The following ADH7 variants were observed in gnomAD, a reference collection of about 807,000 sequenced individuals.
ADH7 encodes alcohol dehydrogenase 7 (class IV), mu or sigma polypeptide.
Under a neutral mutation model 34.4 loss-of-function variants are expected in ADH7, and 41 were observed. The ratio of observed to expected loss-of-function variants is 1.19; its 90% CI spans 0.93 to 1.55. The LOEUF (loss-of-function observed/expected upper bound fraction) is 1.55, where lower values mean the gene tolerates loss of function less well. ADH7 is among the 40% of genes most tolerant of loss of function. ADH7 has a pLI of 0.00. For synonymous variants in ADH7, 180 were observed against 160.9 expected, an observed-to-expected ratio of 1.12 and a Z score of -0.90; for missense variants, 540 against 461.2, an observed-to-expected ratio of 1.17 and a Z score of -1.56.
Position 99,428,911 on chromosome 4 carries a change from T to C in ADH7, c.121-281A>G, listed in dbSNP as rs559042958. Among the ~76,000 whole-genome samples, 279 of 152,308 alleles carry C rather than the reference T, an allele frequency of 1.8e-3. 3 individuals are homozygous for C. The highest frequency in any genetic ancestry group is 6.3e-3 in the African/African-American group (262 of 41,582). ...GAGGGAACCAGAATACAGATGTTAC[T>C]ATGTGATGGCCCCAAAGTAGATTTT... On this transcript the variant is annotated intron_variant, in intron 2 of 8. Coordinates refer to ENST00000437033, the MANE Select transcript of ADH7 (RefSeq NM_000673.7).
Position 99,420,938 on chromosome 4 carries a change from T to G in ADH7, c.565-145A>C, listed in dbSNP as rs1043613257. On this transcript the variant is annotated intron_variant, in intron 5 of 8. Transcript: ENST00000437033. ...AGAATAAAATATCTAGGAATACAAC[T>G]TACAAGGGATGTGAAGGACCTCTTC... The G allele has an allele frequency of 4.1e-6, 3 of 728,756 alleles. No homozygotes were observed. The African/African-American group carries it at 5.4e-5, about 13-fold the overall frequency. 45.1% of individuals were successfully genotyped at this position (728,756 alleles called of 1,614,324 possible).
chr4:99,428,102 AG>A lies in ADH7; in HGVS notation c.331del (p.Leu111PhefsTer31), dbSNP rs771685829. The A allele has an allele frequency of 1.2e-6, 2 of 1,614,004 alleles. No homozygotes were observed. Among genetic ancestry groups the A allele is most frequent in the East Asian group, 4.5e-5 (2 of 44,880 alleles). ...TGAAACCTACTCGCTCCTAATGCAAAGGTTGCCATCTGGGTTGCGACAAGCA... is the reference window on the plus strand; with the variant it reads ...TGAAACCTACTCGCTCCTAATGCAAAGTTGCCATCTGGGTTGCGACAAGCA... ...CNACRNPDGN[L>X]CIRSDITGRG... On this transcript the variant is annotated frameshift_variant, in exon 4 of 9. Coordinates refer to ENST00000437033, the MANE Select transcript of ADH7 (RefSeq NM_000673.7). LOFTEE classifies it high-confidence loss of function.
At chr4:99,418,666 T>G (rs1398937101) in intron 7 of ADH7, among the ~76,000 whole-genome samples, 1 of 152,170 alleles carries the variant, frequency 6.6e-6, no homozygotes, top group Non-Finnish European at 1.5e-5. Flanking sequence ...CACATTCTTG[T>G]GTATATTAAT....
intron 5 of ADH7, among the ~76,000 whole-genome samples, chr4:99,423,813 C>T (rs372594108): frequency 2.0e-5 from 3 of 152,044 alleles, no homozygotes; most frequent in Non-Finnish European, 2.9e-5. Context: ...AAAAATTTTC[C>T]CCCATTTTAT....
intron 5 of ADH7, among the ~76,000 whole-genome samples, chr4:99,424,523 C>T (rs1218644402): frequency 5.3e-5 from 8 of 152,022 alleles, no homozygotes; most frequent in Non-Finnish European, 1.2e-4. Flanking sequence ...ATGGAATGTT[C>T]TTCCATTTCT....
intron 5 of ADH7, among the ~76,000 whole-genome samples, chr4:99,425,499 A>G (rs1263271828): frequency 6.6e-6 from 1 of 152,236 alleles, no homozygotes. Flanking sequence ...CAATTCAACA[A>G]GAAGAGCTAA....
chr4:99,433,134 T>A (rs999517266), intron 1 of ADH7, among the ~76,000 whole-genome samples: 14 of 152,162 alleles, frequency 9.2e-5, no homozygotes, highest in Admixed American at 8.5e-4. Context: ...CCCATGTAAT[T>A]CCATTTTTAA....
In ADH7 at chr4:99,415,554, G is replaced by T; in HGVS notation, c.1024C>A (p.Leu342Met). 6.2e-7 allele frequency: 1 copy of T among 1,613,370 alleles called. No homozygotes were observed. Among genetic ancestry groups the T allele is most frequent in the Non-Finnish European group, 8.5e-7 (1 of 1,179,620 alleles). The change falls in exon 8 of 9, where the codon CTG becomes ATG. Residue 342 changes from leucine to methionine, a missense_variant. Coordinates refer to ENST00000437033, the MANE Select transcript of ADH7 (RefSeq NM_000673.7). ...AAAACATGAGTTATCAACTGGTCCA[G>T]GTCAAATTTCTTTGCCAGGAACTCA... Reference protein sequence around the residue: ...VTEFLAKKFDLDQLITHVLPF... With the variant: ...VTEFLAKKFDMDQLITHVLPF...
chr4:99,434,574 T>A (rs529514156), intron 1 of ADH7, among the ~76,000 whole-genome samples: 2 of 151,244 alleles, frequency 1.3e-5, no homozygotes, highest in East Asian at 1.9e-4. Context: ...TATTTTCAAA[T>A]AAAAAAAAAC....
intron 3 of ADH7, 65 bp from the exon 4 acceptor site, chr4:99,428,239 G>C: frequency 6.9e-7 from 1 of 1,459,194 alleles, no homozygotes; most frequent in South Asian, 1.1e-5. Flanking sequence ...ATTAACAAAT[G>C]TGAATTGAGC....
At chr4:99,424,589 C>T (rs1306719772) in intron 5 of ADH7, among the ~76,000 whole-genome samples, 1 of 152,168 alleles carries the variant, frequency 6.6e-6, no homozygotes, top group Non-Finnish European at 1.5e-5. Flanking sequence ...TGAAGAGGTC[C>T]TTCACATCCC....
At chr4:99,428,249 C>T in intron 3 of ADH7, 75 bp from the exon 4 acceptor site, 1 of 1,398,752 alleles carries the variant, frequency 7.1e-7, no homozygotes, top group Non-Finnish European at 1.0e-6. Context: ...GTGAATTGAG[C>T]CCATACTATA....
chr4:99,433,146 G>A (rs1721975283), intron 1 of ADH7, among the ~76,000 whole-genome samples: 1 of 152,080 alleles, frequency 6.6e-6, no homozygotes, highest in Non-Finnish European at 1.5e-5. Flanking sequence ...CATTTTTAAA[G>A]GCTACCTCGA....
At chr4:99,422,772 G>A (rs1323632238) in intron 5 of ADH7, among the ~76,000 whole-genome samples, 1 of 147,988 alleles carries the variant, frequency 6.8e-6, no homozygotes, top group African/African-American at 2.5e-5. Flanking sequence ...CTTGATAAAG[G>A]TTTTTCTTTT....
At chr4:99,422,568 G>A (rs113673007) in intron 5 of ADH7, among the ~76,000 whole-genome samples, 95 of 152,080 alleles carry the variant, frequency 6.2e-4, no homozygotes, top group South Asian at 2.1e-4. Context: ...CCACCATGGC[G>A]CACGTATACC....
intron 1 of ADH7, 76 bp from the exon 2 acceptor site, chr4:99,429,709 G>GCTCTTCTGTTCAT: frequency 1.1e-6 from 1 of 935,896 alleles, no homozygotes. Flanking sequence ...GTATAAATAT[G>GCTCTTCTGTTCAT]AACAGAAGAG....
intron 8 of ADH7, among the ~76,000 whole-genome samples, chr4:99,414,253 T>C (rs1721468765): frequency 1.3e-5 from 2 of 152,212 alleles, no homozygotes; most frequent in East Asian, 1.9e-4. Context: ...TGTATGTTCA[T>C]AATATGATGA....
intron 6 of ADH7, among the ~76,000 whole-genome samples, chr4:99,419,776 A>G (rs917142354): frequency 5.9e-5 from 9 of 152,212 alleles, no homozygotes; most frequent in Middle Eastern, 3.2e-3. Flanking sequence ...GTTGATATGA[A>G]ATAAATCTAA....
intron 5 of ADH7, among the ~76,000 whole-genome samples, chr4:99,422,434 A>G (rs1336717133): frequency 2.0e-5 from 3 of 152,156 alleles, no homozygotes; most frequent in Non-Finnish European, 2.9e-5. Context: ...GTTCTCACTC[A>G]TAAGTGGGAG....
Sources: gnomAD v4.1 joint callset for allele counts (sites outside exome capture counted in the v4.1 genomes callset) on GRCh38, gnomAD v4.1.1 for gene constraint, MANE v1.5 for transcripts, NCBI Gene and HGNC (gene_info 2026-07-23, HGNC 2026-07-21) for gene names.